Variants in ANKRD55 observed in about 807,000 individuals in gnomAD.
ANKRD55 encodes ankyrin repeat domain 55.
A neutral mutation model predicts 60.6 loss-of-function variants in ANKRD55; 41 were observed. That is an observed-to-expected ratio of 0.68 (90% confidence interval 0.53 to 0.88). ANKRD55 has a LOEUF of 0.88. ANKRD55 is among the 40% of genes least tolerant of loss of function. The probability of loss-of-function intolerance (pLI) is 0.00; values close to 1 mark genes in which losing one functional copy is unlikely to be tolerated. For synonymous variants in ANKRD55, 264 were observed against 290.3 expected (o/e 0.91, Z 0.92); for missense variants, 732 against 767.6 (o/e 0.95, Z 0.55).
chr5:56,219,264 C>T (rs1277644304), intron 2 of ANKRD55, among the ~76,000 whole-genome samples: 24 of 127,602 alleles, frequency 1.9e-4, no homozygotes, highest in Non-Finnish European at 2.7e-4. Context: ...TAGAGCAAGA[C>T]TCTGCCTCCA....
At chr5:56,166,114 CTTTCTTTCTTTCT>C (rs1758455035) in intron 5 of ANKRD55, among the ~76,000 whole-genome samples, 1 of 55,562 alleles carries the variant, frequency 1.8e-5, no homozygotes, top group Non-Finnish European at 4.0e-5. Context: ...TTCTTTCTTT[CTTTCTTTCTTTCT>C]TTCTTTCTTT....
chr5:56,128,183 A>C, intron 7 of ANKRD55, among the ~76,000 whole-genome samples: 1 of 152,186 alleles, frequency 6.6e-6, no homozygotes, highest in Non-Finnish European at 1.5e-5. Flanking sequence ...GTGTCAGCAC[A>C]ACAATTCTTT....
rs377519050 is a variant in ANKRD55 at position 56,124,538 on chromosome 5, C to T, written c.797+2384G>A. Among the ~76,000 whole-genome samples, 94 of 152,136 alleles carry T rather than the reference C, an allele frequency of 6.2e-4. 1 individual carries two copies. The highest frequency in any genetic ancestry group is 2.1e-3 in the African/African-American group (86 of 41,486). On this transcript the variant is annotated intron_variant, in intron 8 of 11. Transcript: ENST00000341048. ...TTAATTTTTTTTTGAGACGGAGTCT[C>T]GCTCTGTCATCCAGGCTGGAGTGCA...
intron 2 of ANKRD55, among the ~76,000 whole-genome samples, chr5:56,215,937 A>AG (rs1031788676): frequency 4.6e-5 from 7 of 151,604 alleles, no homozygotes; most frequent in African/African-American, 1.7e-4. Context: ...CCTGGCATGG[A>AG]GGGTGAATTG....
chr5:56,169,201 A>G (rs1376974287), intron 5 of ANKRD55, among the ~76,000 whole-genome samples: 3 of 152,202 alleles, frequency 2.0e-5, no homozygotes, highest in Admixed American at 1.3e-4. Context: ...TTTGGATTTT[A>G]TGTGTTACAA....
At chr5:56,173,694 G>A (rs1182076577) in intron 4 of ANKRD55, among the ~76,000 whole-genome samples, 2 of 149,984 alleles carry the variant, frequency 1.3e-5, no homozygotes, top group African/African-American at 4.9e-5. Context: ...ACAGGCATGC[G>A]CCACCACGCC....
At chr5:56,137,254 A>G (rs1757630535) in intron 7 of ANKRD55, 2 of 1,604,516 alleles carry the variant, frequency 1.2e-6, no homozygotes, top group African/African-American at 2.7e-5. Context: ...TTTTTGCTGC[A>G]CATGCTTAAA....
chr5:56,143,050 A>G (rs1757811762), intron 7 of ANKRD55, among the ~76,000 whole-genome samples: 1 of 152,228 alleles, frequency 6.6e-6, no homozygotes, highest in South Asian at 2.1e-4. Flanking sequence ...GGCAGCAGAA[A>G]CTATTCTCAC....
chr5:56,175,578 C>T (rs564570090), intron 4 of ANKRD55, among the ~76,000 whole-genome samples: 5 of 152,108 alleles, frequency 3.3e-5, no homozygotes, highest in South Asian at 2.1e-4. Context: ...AAATCTCTAC[C>T]GGTGAGGACT....
intron 2 of ANKRD55, among the ~76,000 whole-genome samples, chr5:56,196,579 G>A (rs1348592574): frequency 2.0e-5 from 3 of 152,186 alleles, no homozygotes; most frequent in Non-Finnish European, 4.4e-5. Flanking sequence ...ACAGAGGCAG[G>A]ATTTATATTC....
chr5:56,144,831 G>A (rs1757858724), intron 6 of ANKRD55, among the ~76,000 whole-genome samples: 1 of 152,192 alleles, frequency 6.6e-6, no homozygotes, highest in South Asian at 2.1e-4. Context: ...AAAAGAGCCA[G>A]CGTTATCTGA....
chr5:56,100,327 G>A (rs756667508), intron 11 of ANKRD55, 23 bp from the exon 12 acceptor site: 2 of 1,613,822 alleles, frequency 1.2e-6, no homozygotes, highest in South Asian at 2.2e-5. Context: ...AATAGAACAA[G>A]AGACTTTCAA....
intron 2 of ANKRD55, among the ~76,000 whole-genome samples, chr5:56,188,294 C>A (rs1383487776): frequency 6.6e-6 from 1 of 152,070 alleles, no homozygotes; most frequent in Admixed American, 6.5e-5. Context: ...CACCTGGTGA[C>A]ATCTTTCTCT....
intron 2 of ANKRD55, among the ~76,000 whole-genome samples, chr5:56,196,416 G>A (rs1162759759): frequency 1.3e-5 from 2 of 152,030 alleles, no homozygotes; most frequent in African/African-American, 4.8e-5. Context: ...AGTATTTATC[G>A]AGTGCCTACT....
intron 9 of ANKRD55, among the ~76,000 whole-genome samples, chr5:56,115,172 C>A (rs953609302): frequency 2.6e-5 from 4 of 151,008 alleles, no homozygotes; most frequent in African/African-American, 9.7e-5. Flanking sequence ...TGCACACCAG[C>A]CTGGATGACA....
At chr5:56,121,204 T>C (rs1333177250) in intron 8 of ANKRD55, among the ~76,000 whole-genome samples, 1 of 151,986 alleles carries the variant, frequency 6.6e-6, no homozygotes, top group Non-Finnish European at 1.5e-5. Flanking sequence ...GCACACACAA[T>C]AAGGCAAGTG....
At chr5:56,131,008 T>G (rs1413160365) in intron 7 of ANKRD55, among the ~76,000 whole-genome samples, 1 of 151,602 alleles carries the variant, frequency 6.6e-6, no homozygotes, top group African/African-American at 2.4e-5. Context: ...ACAAAAGGTG[T>G]AACATACAGG....
chr5:56,111,497 G>A lies in ANKRD55; in HGVS notation c.1251C>T (p.Leu417=), dbSNP rs752590663. 1 of 1,614,166 alleles carries A rather than the reference G, an allele frequency of 6.2e-7. No individual in the cohort carries two copies. The highest frequency in any genetic ancestry group is 1.1e-5 in the South Asian group (1 of 91,082). The part of the protein sequence containing the change: ...KKKTSDNSKY[L]LPEKKPLARK... ...GGGCCAGCGGTTTCTTTTCTGGTAAGAGATATTTTGAATTGTCTGAGGTTT... is the reference window on the plus strand; with the variant it reads ...GGGCCAGCGGTTTCTTTTCTGGTAAAAGATATTTTGAATTGTCTGAGGTTT... Residue 417 remains leucine (L), a synonymous_variant, in exon 10 of 12, where the codon CTC becomes CTT. Coordinates refer to ENST00000341048, the MANE Select transcript of ANKRD55 (RefSeq NM_024669.3).
intron 8 of ANKRD55, among the ~76,000 whole-genome samples, chr5:56,124,598 C>T (rs780192377): frequency 9.2e-5 from 14 of 152,070 alleles, no homozygotes; most frequent in Non-Finnish European, 1.9e-4. Context: ...ACCTCTGCCT[C>T]TCAGGTTCAA....
Sources: allele counts gnomAD v4.1 joint callset (sites outside exome capture counted in the v4.1 genomes callset), GRCh38; gene constraint gnomAD v4.1.1; transcripts MANE v1.5; gene names NCBI Gene and HGNC (gene_info 2026-07-23, HGNC 2026-07-21).